The following ROBO2 variants were observed in gnomAD, a reference collection of about 807,000 sequenced individuals.
ROBO2 encodes the protein roundabout homolog 2.
ROBO2 carries 53 observed loss-of-function variants against 160.8 expected under a neutral mutation model. The ratio of observed to expected loss-of-function variants is 0.33; its 90% CI spans 0.26 to 0.41. The LOEUF (loss-of-function observed/expected upper bound fraction) is 0.41, where lower values mean the gene tolerates loss of function less well. Ranked by LOEUF, ROBO2 falls within the 10% of genes least tolerant of loss-of-function variation. The pLI is 1.00. For missense variants in ROBO2, 1,577 were observed against 1,722.4 expected, an observed-to-expected ratio of 0.92 and a Z score of 1.49; for synonymous variants, 664 against 611.7, an observed-to-expected ratio of 1.09 and a Z score of -1.26.
At chr3:76,073,316 C>T (rs1184652193) in intron 2 of ROBO2, among the ~76,000 whole-genome samples, 2 of 79,192 alleles carry the variant, frequency 2.5e-5, no homozygotes, top group East Asian at 7.5e-4. Context: ...TTTTTTGAGA[C>T]GGAGTCTCGC....
intron 3 of ROBO2, among the ~76,000 whole-genome samples, chr3:77,479,742 T>C (rs558004512): frequency 2.6e-5 from 4 of 152,170 alleles, no homozygotes; most frequent in Non-Finnish European, 5.9e-5. Flanking sequence ...AGCTCTTGCC[T>C]ATTTAAAGGT....
chr3:76,963,675 T>C (rs193069362), intron 2 of ROBO2, among the ~76,000 whole-genome samples: 1 of 152,082 alleles, frequency 6.6e-6, no homozygotes, highest in African/African-American at 2.4e-5. Flanking sequence ...AACTTTCTTC[T>C]ACCCATATTT....
At chr3:76,507,089 T>C (rs2080838479) in intron 2 of ROBO2, among the ~76,000 whole-genome samples, 1 of 152,100 alleles carries the variant, frequency 6.6e-6, no homozygotes, top group South Asian at 2.1e-4. Context: ...AGTTACATGT[T>C]TACATGGCTT....
intron 2 of ROBO2, among the ~76,000 whole-genome samples, chr3:76,025,205 G>T (rs530427107): frequency 6.6e-6 from 1 of 151,570 alleles, no homozygotes; most frequent in South Asian, 2.1e-4. Flanking sequence ...TCATAGCCAA[G>T]ATGTTATTGT....
chr3:77,639,086 T>G (rs969305329), intron 24 of ROBO2, among the ~76,000 whole-genome samples: 2 of 151,956 alleles, frequency 1.3e-5, no homozygotes, highest in Non-Finnish European at 2.9e-5. Context: ...CACCTCCACC[T>G]CCCAAAGTGC....
At chr3:77,296,239 G>A (rs1419213286) in intron 2 of ROBO2, among the ~76,000 whole-genome samples, 3 of 151,056 alleles carry the variant, frequency 2.0e-5, no homozygotes, top group African/African-American at 7.3e-5. Context: ...GAACAGTAAA[G>A]ACATAAAGTA....
At chr3:76,950,159 T>C (rs2078871510) in intron 2 of ROBO2, among the ~76,000 whole-genome samples, 1 of 152,232 alleles carries the variant, frequency 6.6e-6, no homozygotes, top group South Asian at 2.1e-4. Flanking sequence ...GTGGTCTCTT[T>C]AAAATTTCCT....
chr3:76,296,897 TAA>T (rs1709103101), intron 2 of ROBO2, among the ~76,000 whole-genome samples: 1 of 152,162 alleles, frequency 6.6e-6, no homozygotes, highest in Admixed American at 6.5e-5. Context: ...CTTTATATAC[TAA>T]AGTTACATTA....
chr3:77,149,252 G>T (rs559757780), intron 2 of ROBO2, among the ~76,000 whole-genome samples: 2 of 152,080 alleles, frequency 1.3e-5, no homozygotes, highest in South Asian at 2.1e-4. Flanking sequence ...GGCCAGGCTG[G>T]TCTTAAACTC....
At chr3:76,880,974 A>G (rs2148744025) in intron 2 of ROBO2, among the ~76,000 whole-genome samples, 1 of 152,234 alleles carries the variant, frequency 6.6e-6, no homozygotes. Context: ...CTGTGCTCAG[A>G]TGCCTCTAAT....
Position 77,577,569 on chromosome 3 carries a change from T to A in ROBO2, c.2283T>A (p.Asp761Glu), listed in dbSNP as rs1339492985. ...GCACAAGTATTAGTGTTTCCTGGGATCCTCCTCCTCCAGATCACCAGAATG... is the reference window on the plus strand; with the variant it reads ...GCACAAGTATTAGTGTTTCCTGGGAACCTCCTCCTCCAGATCACCAGAATG... The change falls in exon 15 of 26, where the codon GAT becomes GAA. Residue 761 changes from aspartate (D) to glutamate (E), a missense_variant. By Grantham distance (45) the Asp-to-Glu change is conservative (BLOSUM62 2). Around this residue, in one of 2 missense-constraint regions of ROBO2, gnomAD observed 940 missense variants for 1,135.5 expected, o/e 0.83. Coordinates refer to ENST00000461745, the Ensembl canonical transcript of ROBO2. 20 of 1,613,060 alleles carry A rather than the reference T, an allele frequency of 1.2e-5. No homozygotes were observed. The Admixed American group carries it at 2.8e-4, about 23-fold the overall frequency.
intron 2 of ROBO2, among the ~76,000 whole-genome samples, chr3:77,221,026 T>A (rs1317501797): frequency 6.6e-6 from 1 of 152,210 alleles, no homozygotes; most frequent in African/African-American, 2.4e-5. Flanking sequence ...TTTACATATG[T>A]AATGGTAAAG....
intron 1 of ROBO2, among the ~76,000 whole-genome samples, chr3:77,055,127 A>G (rs2065612838): frequency 6.6e-6 from 1 of 151,440 alleles, no homozygotes; most frequent in African/African-American, 2.4e-5. Context: ...CCCTTCTGTG[A>G]TTTTTATTCA....
chr3:77,608,815 T>A (rs2094572486), intron 21 of ROBO2, among the ~76,000 whole-genome samples: 1 of 151,964 alleles, frequency 6.6e-6, no homozygotes, highest in Non-Finnish European at 1.5e-5. Context: ...TTCACAGGAT[T>A]TTTTTTCACT....
At chr3:76,044,020 T>C (rs1480712381) in intron 2 of ROBO2, among the ~76,000 whole-genome samples, 2 of 152,046 alleles carry the variant, frequency 1.3e-5, no homozygotes, top group Non-Finnish European at 2.9e-5. Flanking sequence ...TACCCTTTTG[T>C]TGGTGCTAAT....
chr3:76,739,169 A>G (rs1390871644), intron 2 of ROBO2, among the ~76,000 whole-genome samples: 2 of 152,174 alleles, frequency 1.3e-5, no homozygotes, highest in African/African-American at 4.8e-5. Context: ...TGCTATAAAG[A>G]CACACGCACA....
intron 2 of ROBO2, among the ~76,000 whole-genome samples, chr3:76,679,596 T>A (rs1220596824): frequency 6.6e-6 from 1 of 152,162 alleles, no homozygotes; most frequent in Non-Finnish European, 1.5e-5. Context: ...GCTTTTTTCC[T>A]TAGGAAACTT....
At chr3:76,454,230 A>G (rs989712073) in intron 2 of ROBO2, among the ~76,000 whole-genome samples, 1 of 152,170 alleles carries the variant, frequency 6.6e-6, no homozygotes, top group Non-Finnish European at 1.5e-5. Flanking sequence ...GATTTGTTTA[A>G]AAAATTTGAA....
At chr3:77,038,888 T>C (rs2063799043), upstream of ROBO2, among the ~76,000 whole-genome samples, 1 of 152,236 alleles carries the variant, frequency 6.6e-6, no homozygotes. Context: ...CTTTCGGCTT[T>C]CCACACCCAG....
Sources: gnomAD v4.1 joint callset for allele counts (sites outside exome capture counted in the v4.1 genomes callset) on GRCh38, gnomAD v4.1.1 for gene constraint, gnomAD v4.1.1 regional missense constraint, MANE v1.5 for transcripts, NCBI Gene and HGNC (gene_info 2026-07-23, HGNC 2026-07-21) for gene names.